AOX1: variants seen among roughly 807,000 people sequenced by gnomAD.
The protein encoded by AOX1 is aldehyde oxidase 1, also known as aldehyde oxidase.
Under a neutral mutation model 169.5 loss-of-function variants are expected in AOX1, and 153 were observed. The ratio of observed to expected loss-of-function variants is 0.90; its 90% confidence interval spans 0.79 to 1.03. The LOEUF (loss-of-function observed/expected upper bound fraction) is 1.03. AOX1 is among the 50% of genes least tolerant of loss of function. AOX1 has a pLI of 0.00. For missense variants in AOX1, 1,656 were observed against 1,663.9 expected, an observed-to-expected ratio of 1.00 and a Z score of 0.08; for synonymous variants, 562 against 581.9, an observed-to-expected ratio of 0.97 and a Z score of 0.49.
chr2:200,619,467 A>G (rs6724797), intron 16 of AOX1, among the ~76,000 whole-genome samples: 96,480 of 151,986 alleles, frequency 0.63, 30,820 homozygotes, highest in Middle Eastern at 0.68. Flanking sequence ...GGGGGTACCC[A>G]CCAGGGCTTA....
intron 25 of AOX1, among the ~76,000 whole-genome samples, chr2:200,649,865 C>T (rs760860516): frequency 6.6e-6 from 1 of 152,226 alleles, no homozygotes; most frequent in African/African-American, 2.4e-5. Context: ...CCGGCAAGCT[C>T]ACAGTCCTCT....
chr2:200,586,353 C>T (rs1296988833), intron 1 of AOX1, among the ~76,000 whole-genome samples, 200 bp downstream of exon 1: 1 of 152,238 alleles, frequency 6.6e-6, no homozygotes, highest in Non-Finnish European at 1.5e-5. Context: ...TTTTCAGGGA[C>T]TGTCCTGGAT....
intron 12 of AOX1, 88 bp from the exon 13 acceptor site, chr2:200,611,296 A>G (rs914887241): frequency 6.8e-6 from 6 of 878,024 alleles, no homozygotes; most frequent in African/African-American, 6.6e-5. Context: ...CGGTTTCCTC[A>G]GGTATTTGGT....
intron 28 of AOX1, 35 bp from the exon 29 acceptor site, chr2:200,659,960 T>C (rs779302547): frequency 1.7e-5 from 26 of 1,522,852 alleles, no homozygotes; most frequent in Non-Finnish European, 2.4e-5. Context: ...TGCATGAAAT[T>C]AGGAGCATAA....
intron 20 of AOX1, among the ~76,000 whole-genome samples, chr2:200,633,682 G>C (rs192977036): frequency 1.0e-3 from 152 of 152,100 alleles, no homozygotes; most frequent in African/African-American, 3.5e-3. Flanking sequence ...TCTAACATCT[G>C]TGTCATCTCA....
chr2:200,632,906 T>C (rs1003234935), intron 20 of AOX1, among the ~76,000 whole-genome samples: 1 of 151,394 alleles, frequency 6.6e-6, no homozygotes, highest in Non-Finnish European at 1.5e-5. Context: ...TTCTTTCTTT[T>C]TTTTTTTTCA....
intron 31 of AOX1, 77 bp downstream of exon 31, chr2:200,663,046 G>C: frequency 9.1e-7 from 1 of 1,104,216 alleles, no homozygotes; most frequent in Admixed American, 1.8e-5. Flanking sequence ...TATCTGAGGA[G>C]AGCTTAGTGA....
intron 26 of AOX1, among the ~76,000 whole-genome samples, chr2:200,656,241 G>A (rs866522409): frequency 6.6e-6 from 1 of 152,192 alleles, no homozygotes; most frequent in Middle Eastern, 3.2e-3. Flanking sequence ...TTCCTGCTGT[G>A]ATTTTCTGGG....
Position 200,643,519 on chromosome 2 carries a change from G to T in AOX1, c.2847+718G>T, listed in dbSNP as rs1052845502. On this transcript the variant is annotated intron_variant, in intron 25 of 34. Coordinates refer to ENST00000374700, the MANE Select transcript of AOX1 (RefSeq NM_001159.4). ...TTGTGAATTGTGCTACTATAAACAT[G>T]CAGGTGCAAGTATCTTTTTCGAATA... 2.6e-5 allele frequency among the ~76,000 whole-genome samples: 4 copies of T among 152,204 alleles called. No homozygotes were observed. In the South Asian group the frequency reaches 8.3e-4, roughly 32 times the overall value.
chr2:200,620,198 A>AGTTTTTTTTTTT (rs370920216), intron 16 of AOX1, among the ~76,000 whole-genome samples: 2 of 120,912 alleles, frequency 1.7e-5, no homozygotes, highest in African/African-American at 3.0e-5. Flanking sequence ...ATTAATAGTG[A>AGTTTTTTTTTTT]CTTTTTTTTT....
At chr2:200,593,554 A>C (rs896870337) in intron 2 of AOX1, among the ~76,000 whole-genome samples, 7 of 152,216 alleles carry the variant, frequency 4.6e-5, no homozygotes, top group Admixed American at 6.5e-5. Flanking sequence ...GAGAGCACAG[A>C]AGTCACCTGA....
intron 14 of AOX1, 106 bp downstream of exon 14, chr2:200,612,899 A>G (rs1212978967): frequency 1.2e-6 from 1 of 828,980 alleles, no homozygotes; most frequent in Non-Finnish European, 1.9e-6. Flanking sequence ...AAAGTGTTCC[A>G]TACCTTTCTA....
chr2:200,659,786 T>TCACACACACATACA (rs1553578806), intron 28 of AOX1, among the ~76,000 whole-genome samples: 3 of 96,104 alleles, frequency 3.1e-5, no homozygotes, highest in African/African-American at 7.5e-5. Flanking sequence ...GTTCTCTCTC[T>TCACACACACATACA]CACACACACA....
intron 16 of AOX1, 64 bp downstream of exon 16, chr2:200,616,127 T>C: frequency 8.8e-7 from 1 of 1,142,708 alleles, no homozygotes; most frequent in Non-Finnish European, 1.3e-6. Flanking sequence ...ACCTGGACAT[T>C]CCCACTGTCT....
At chr2:200,607,746 A>G (rs2034545323) in intron 10 of AOX1, among the ~76,000 whole-genome samples, 1 of 152,150 alleles carries the variant, frequency 6.6e-6, no homozygotes, top group Non-Finnish European at 1.5e-5. Context: ...GACTGGATAA[A>G]GAAACTGTGA....
intron 25 of AOX1, among the ~76,000 whole-genome samples, chr2:200,646,304 T>C (rs566230310): frequency 2.6e-5 from 4 of 152,312 alleles, no homozygotes; most frequent in Admixed American, 2.6e-4. Context: ...TTCCATTTGA[T>C]TTCATTTTTG....
intron 21 of AOX1, 109 bp from the exon 22 acceptor site, chr2:200,636,802 G>A (rs2035242582): frequency 1.5e-6 from 2 of 1,308,194 alleles, no homozygotes; most frequent in African/African-American, 1.5e-5. Context: ...CCATTTCAGG[G>A]GACAGGTTTT....
At chr2:200,656,284 T>TA (rs762968523) in intron 26 of AOX1, among the ~76,000 whole-genome samples, 112 of 149,756 alleles carry the variant, frequency 7.5e-4, no homozygotes, top group Non-Finnish European at 1.1e-3. Flanking sequence ...CACAGGCAGA[T>TA]ACGCAAGAAG....
chr2:200,607,807 G>T (rs1462889341), intron 10 of AOX1, among the ~76,000 whole-genome samples: 1 of 152,172 alleles, frequency 6.6e-6, no homozygotes, highest in East Asian at 1.9e-4. Flanking sequence ...ATGAGATCAT[G>T]TCCTTTGCAG....
Sources: allele counts gnomAD v4.1 joint callset (sites outside exome capture counted in the v4.1 genomes callset), GRCh38; gene constraint gnomAD v4.1.1; transcripts MANE v1.5; gene names NCBI Gene and HGNC (gene_info 2026-07-23, HGNC 2026-07-21).